Variants in MBNL1 observed in about 807,000 individuals in gnomAD.
MBNL1 encodes the protein muscleblind like splicing regulator 1.
A neutral mutation model predicts 42.2 loss-of-function variants in MBNL1; 8 were observed. The observed-to-expected ratio is 0.19, with a 90% confidence interval of 0.11 to 0.34. The LOEUF is 0.34. Among genes scored for constraint, MBNL1 ranks in the 10% least tolerant of loss-of-function variants. MBNL1 has a pLI of 1.00. For synonymous variants in MBNL1, 169 were observed against 173.9 expected, an observed-to-expected ratio of 0.97 and a Z score of 0.22; for missense variants, 309 against 495.3, an observed-to-expected ratio of 0.62 and a Z score of 3.57.
At chr3:152,288,994 C>T (rs1004641989) in intron 1 of MBNL1, among the ~76,000 whole-genome samples, 1 of 151,864 alleles carries the variant, frequency 6.6e-6, no homozygotes, top group Non-Finnish European at 1.5e-5. Flanking sequence ...GAGAAATTTA[C>T]AGTGTAGATA....
intron 6 of MBNL1, among the ~76,000 whole-genome samples, chr3:152,452,528 A>G (rs147178612): frequency 1.6e-3 from 247 of 152,248 alleles, no homozygotes; most frequent in African/African-American, 5.5e-3. Context: ...TATGCTTGCA[A>G]GAGCTCTTAA....
intron 2 of MBNL1, among the ~76,000 whole-genome samples, chr3:152,312,374 C>CA (rs201853216): frequency 0.011 from 1,664 of 152,234 alleles, 12 homozygotes; most frequent in Non-Finnish European, 0.018. Flanking sequence ...AAACTCTTGC[C>CA]ACGCATTGTG....
Position 152,300,275 on chromosome 3 carries a change from T to A in MBNL1, c.82T>A (p.Ser28Thr), listed in dbSNP as rs763578642. The A allele has an allele frequency of 1.2e-5, 20 of 1,613,892 alleles. No homozygotes were observed. Among genetic ancestry groups the A allele is most frequent in the Non-Finnish European group, 1.5e-5 (18 of 1,179,900 alleles). ...VCREFQRGTCSRPDTECKFAH... is the reference protein window; with the variant it reads ...VCREFQRGTCTRPDTECKFAH... Reference sequence around the variant, plus strand: ...TAGAGAGTTCCAGAGGGGGACTTGCTCACGGCCAGACACGGAATGTAAATT... The same window carrying A: ...TAGAGAGTTCCAGAGGGGGACTTGCACACGGCCAGACACGGAATGTAAATT... The change falls in exon 2 of 10, where the codon TCA becomes ACA. Residue 28 changes from serine (S) to threonine (T), a missense_variant. Physicochemically the swap from Ser to Thr is moderately conservative, Grantham distance 58. Transcript: ENST00000324210.
At chr3:152,296,276 C>A (rs2058498874) in intron 1 of MBNL1, among the ~76,000 whole-genome samples, 1 of 152,104 alleles carries the variant, frequency 6.6e-6, no homozygotes, top group Non-Finnish European at 1.5e-5. Flanking sequence ...AGAGAAGGAA[C>A]TGCTGAAAGA....
At chr3:152,427,096 A>G (rs1340119524) in intron 3 of MBNL1, among the ~76,000 whole-genome samples, 1 of 152,176 alleles carries the variant, frequency 6.6e-6, no homozygotes, top group Non-Finnish European at 1.5e-5. Flanking sequence ...AGTTTCTCTG[A>G]GTAGTCTTTC....
Position 152,303,772 on chromosome 3 carries a change from T to C in MBNL1, c.174+3405T>C, listed in dbSNP as rs944854632. Among the ~76,000 whole-genome samples, 12 of 152,294 alleles carry C rather than the reference T, an allele frequency of 7.9e-5. No individual in the cohort carries two copies. The East Asian group carries it at 1.5e-3, about 20-fold the overall frequency. On this transcript the variant is annotated intron_variant, in intron 2 of 9. Coordinates refer to ENST00000324210, the MANE Select transcript of MBNL1 (RefSeq NM_021038.5). Reference sequence around the variant, plus strand: ...GATATGATCAACAGAAATAGACTTATTGTTTACTGAATTCTATTTCAAATA... The same window carrying C: ...GATATGATCAACAGAAATAGACTTACTGTTTACTGAATTCTATTTCAAATA...
chr3:152,245,939 G>C (rs1476552464), intron 2 of MBNL1, among the ~76,000 whole-genome samples: 2 of 152,104 alleles, frequency 1.3e-5, no homozygotes, highest in African/African-American at 4.8e-5. Context: ...ACAACTGCTT[G>C]TCAGGTCTAG....
intron 1 of MBNL1, among the ~76,000 whole-genome samples, chr3:152,279,392 C>G (rs999107738): frequency 1.3e-5 from 2 of 152,078 alleles, no homozygotes; most frequent in Non-Finnish European, 2.9e-5. Flanking sequence ...CCTCCCCATC[C>G]CATGATTCTG....
chr3:152,382,206 A>G (rs961013384), intron 2 of MBNL1, among the ~76,000 whole-genome samples: 1 of 152,076 alleles, frequency 6.6e-6, no homozygotes, highest in African/African-American at 2.4e-5. Flanking sequence ...GACCACTCTG[A>G]TCCTGTTTGT....
intron 2 of MBNL1, among the ~76,000 whole-genome samples, chr3:152,305,964 T>C (rs554427531): frequency 6.6e-6 from 1 of 152,358 alleles, no homozygotes; most frequent in South Asian, 2.1e-4. Context: ...GATAAAACTT[T>C]CTATGCTATG....
chr3:152,291,515 T>A (rs2055988976), intron 1 of MBNL1, among the ~76,000 whole-genome samples: 1 of 152,206 alleles, frequency 6.6e-6, no homozygotes, highest in African/African-American at 2.4e-5. Context: ...AGCTTAAGCA[T>A]TGTAATTTGT....
intron 2 of MBNL1, among the ~76,000 whole-genome samples, chr3:152,350,501 G>A (rs924748201): frequency 2.0e-5 from 3 of 152,190 alleles, no homozygotes; most frequent in African/African-American, 7.2e-5. Flanking sequence ...TTGTAGAGCA[G>A]TGAGGGTTAT....
intron 1 of MBNL1, among the ~76,000 whole-genome samples, chr3:152,275,707 CAAAAAAAAAAAAA>C (rs60796721): frequency 3.4e-5 from 1 of 29,644 alleles, no homozygotes; most frequent in African/African-American, 1.8e-4. Context: ...ACTCTTGTCT[CAAAAAAAAAAAAA>C]AAAAAAAAAA....
chr3:152,382,624 A>T (rs1239958356), intron 2 of MBNL1, among the ~76,000 whole-genome samples: 1 of 152,148 alleles, frequency 6.6e-6, no homozygotes, highest in African/African-American at 2.4e-5. Context: ...AATTAATGCA[A>T]CATACATTTG....
Position 152,445,300 on chromosome 3 carries a change from C to T in MBNL1, c.568C>T (p.Arg190Cys), listed in dbSNP as rs1410898170. 6 of 1,613,762 alleles carry T rather than the reference C, an allele frequency of 3.7e-6. No individual in the cohort carries two copies. The highest frequency in any genetic ancestry group is 2.2e-5 in the East Asian group (1 of 44,892). ...CTCATAGGTATGTCGAGAGTACCAACGTGGCAATTGCAACCGAGGAGAAAA... is the reference window on the plus strand; with the variant it reads ...CTCATAGGTATGTCGAGAGTACCAATGTGGCAATTGCAACCGAGGAGAAAA... ...DRLEVCREYQ[R>C]GNCNRGENDC... The change falls in exon 5 of 10, where the codon CGT (arginine) becomes TGT (cysteine). Residue 190 changes from arginine to cysteine, a missense_variant. Physicochemically the swap from Arg to Cys is radical, Grantham distance 180 (BLOSUM62 -3). Transcript: ENST00000324210.
intron 2 of MBNL1, among the ~76,000 whole-genome samples, chr3:152,325,823 T>G (rs1346570780): frequency 6.6e-6 from 1 of 152,024 alleles, no homozygotes; most frequent in East Asian, 1.9e-4. Context: ...ATTTCTGTCT[T>G]TTTTGTTTGT....
intron 2 of MBNL1, among the ~76,000 whole-genome samples, chr3:152,385,847 A>C (rs1489875464): frequency 6.6e-6 from 1 of 152,056 alleles, no homozygotes; most frequent in Non-Finnish European, 1.5e-5. Flanking sequence ...GGGCCGTGTT[A>C]GTAAAACAGT....
Position 152,415,036 on chromosome 3 carries a change from G to A in MBNL1, c.270G>A (p.Gln90=), listed in dbSNP as rs143147692. 2.5e-6 allele frequency: 4 copies of A among 1,611,468 alleles called. No homozygotes were observed. The African/African-American group carries it at 5.3e-5, about 22-fold the overall frequency. Residue 90 remains glutamine, a synonymous_variant, in exon 3 of 10, where the codon CAG becomes CAA. Coordinates refer to ENST00000324210, the MANE Select transcript of MBNL1 (RefSeq NM_021038.5). ...EINGRNNLIQ[Q]KNMAMLAQQM... is the part of the protein sequence containing the mutation. ...ATGGACGCAATAACTTGATTCAGCA[G>A]AAGAACATGGCCATGTTGGCCCAGC... is the stretch of plus-strand genomic sequence containing the variant.
chr3:152,421,724 CA>C lies in MBNL1; in HGVS notation c.345+6614del, dbSNP rs570112528. 1.9e-4 allele frequency among the ~76,000 whole-genome samples: 29 copies of C among 152,240 alleles called. No homozygotes were observed. The East Asian group carries it at 5.6e-3, about 29-fold the overall frequency. On this transcript the variant is annotated intron_variant, in intron 3 of 9. Transcript: ENST00000324210. Reference sequence around the variant, plus strand: ...GTCAGGTTACCCACAAAGGGACTAACAGCAGATTTCTCTGCAGAAACCCTAC... The same window carrying C: ...GTCAGGTTACCCACAAAGGGACTAACGCAGATTTCTCTGCAGAAACCCTAC...
Sources: allele counts gnomAD v4.1 joint callset (sites outside exome capture counted in the v4.1 genomes callset), GRCh38; gene constraint gnomAD v4.1.1; transcripts MANE v1.5; gene names NCBI Gene and HGNC (gene_info 2026-07-23, HGNC 2026-07-21).